Variants in SHISA9 observed in about 807,000 individuals in gnomAD.
SHISA9 encodes the protein shisa family member 9.
In SHISA9, 13 loss-of-function variants were observed where a neutral mutation model predicts 38.0. The ratio of observed to expected loss-of-function variants is 0.34; its 90% confidence interval spans 0.22 to 0.54. The LOEUF is 0.54. Among genes scored for constraint, SHISA9 ranks in the 20% least tolerant of loss-of-function variants. The pLI, the probability that SHISA9 is intolerant of heterozygous loss-of-function variation, is 0.91. For missense variants in SHISA9, 538 were observed against 575.8 expected, an observed-to-expected ratio of 0.93 and a Z score of 0.67; for synonymous variants, 275 against 242.0, an observed-to-expected ratio of 1.14 and a Z score of -1.27.
the SHISA9 span, among the ~76,000 whole-genome samples, chr16:13,437,037 C>G: frequency 6.6e-6 from 1 of 152,154 alleles, no homozygotes; most frequent in Non-Finnish European, 1.5e-5. Flanking sequence ...GAGAAAAGCA[C>G]AGGGAAACCC....
At chr16:13,370,710 G>A in the SHISA9 span, among the ~76,000 whole-genome samples, 1 of 151,984 alleles carries the variant, frequency 6.6e-6, no homozygotes, top group East Asian at 1.9e-4. Context: ...ATTTTTGAGG[G>A]AGTGTTTGGT....
At chr16:13,090,829 C>T (rs545826805) in intron 2 of SHISA9, among the ~76,000 whole-genome samples, 1 of 152,254 alleles carries the variant, frequency 6.6e-6, no homozygotes, top group East Asian at 1.9e-4. Context: ...TGAATTTGAT[C>T]CTGTCATTAT....
the SHISA9 span, among the ~76,000 whole-genome samples, chr16:13,499,003 A>G: frequency 6.6e-6 from 1 of 152,160 alleles, no homozygotes. Context: ...CTCCAGACAT[A>G]AGGTGAGAGG....
intron 2 of SHISA9, among the ~76,000 whole-genome samples, chr16:13,187,550 G>C (rs575197304): frequency 8.7e-4 from 132 of 151,922 alleles, no homozygotes; most frequent in Non-Finnish European, 1.6e-3. Context: ...GGCCAGGCTG[G>C]TCTCAAACTC....
the SHISA9 span, among the ~76,000 whole-genome samples, chr16:13,490,679 G>A: frequency 6.6e-6 from 1 of 152,136 alleles, no homozygotes; most frequent in African/African-American, 2.4e-5. Context: ...TTTCTTCTTG[G>A]TGCAATGTAT....
In SHISA9 at chr16:13,219,298, A is replaced by G. The variant is rs549432738; in HGVS notation, c.895+5998A>G. On this transcript the variant is annotated intron_variant, in intron 4 of 4. Coordinates refer to ENST00000558583, the MANE Select transcript of SHISA9 (RefSeq NM_001145204.3). ...ACACTCACAGCACACACAGTAGGCAATCAACATATATTTTGTTAATAAATT... is the reference window on the plus strand; with the variant it reads ...ACACTCACAGCACACACAGTAGGCAGTCAACATATATTTTGTTAATAAATT... 4.6e-5 allele frequency among the ~76,000 whole-genome samples: 7 copies of G among 152,326 alleles called. No individual in the cohort carries two copies. In the South Asian group the frequency reaches 1.0e-3, roughly 23 times the overall value.
downstream of SHISA9, among the ~76,000 whole-genome samples, chr16:13,241,673 T>C (rs2051436563): frequency 6.6e-6 from 1 of 152,120 alleles, no homozygotes; most frequent in Non-Finnish European, 1.5e-5. Context: ...AAACTTCCAC[T>C]CTCTGGATGC....
chr16:13,076,581 C>T (rs1028890593), intron 2 of SHISA9, among the ~76,000 whole-genome samples: 1 of 152,082 alleles, frequency 6.6e-6, no homozygotes, highest in Non-Finnish European at 1.5e-5. Context: ...GTTCATATAG[C>T]TAGGAAGTTG....
the SHISA9 span, among the ~76,000 whole-genome samples, chr16:13,256,912 C>T: frequency 1.3e-5 from 2 of 152,172 alleles, no homozygotes; most frequent in Non-Finnish European, 2.9e-5. Context: ...AGTGAACCTT[C>T]CCCCAGAAAC....
chr16:12,906,245 C>G (rs1488876174), intron 1 of SHISA9, among the ~76,000 whole-genome samples: 2 of 152,224 alleles, frequency 1.3e-5, no homozygotes, highest in Non-Finnish European at 2.9e-5. Context: ...GGGGTTTGTT[C>G]TCATCCAGAC....
chr16:13,170,791 G>C (rs998807887), intron 2 of SHISA9, among the ~76,000 whole-genome samples: 1 of 151,976 alleles, frequency 6.6e-6, no homozygotes, highest in Admixed American at 6.6e-5. Flanking sequence ...TGAGTAGCTG[G>C]GATTACAGAT....
chr16:13,561,461 A>G, the SHISA9 span, among the ~76,000 whole-genome samples: 15 of 152,216 alleles, frequency 9.9e-5, no homozygotes, highest in Non-Finnish European at 1.9e-4. Context: ...ATTCTAAGTG[A>G]GAAACAAGCC....
chr16:12,985,828 C>T (rs891448526), intron 2 of SHISA9, among the ~76,000 whole-genome samples: 4 of 152,186 alleles, frequency 2.6e-5, no homozygotes, highest in African/African-American at 9.7e-5. Context: ...TTTCTGGATA[C>T]TGGAGCTGCT....
At chr16:13,316,610 C>T in the SHISA9 span, among the ~76,000 whole-genome samples, 5 of 152,180 alleles carry the variant, frequency 3.3e-5, no homozygotes, top group African/African-American at 9.7e-5. Context: ...ATAACTTTCA[C>T]TTTTGTTTCA....
At chr16:13,313,503 G>T in the SHISA9 span, among the ~76,000 whole-genome samples, 1 of 152,142 alleles carries the variant, frequency 6.6e-6, no homozygotes, top group African/African-American at 2.4e-5. Context: ...TAGCCATATG[G>T]AGGTAACAGA....
chr16:13,368,738 C>CA, the SHISA9 span, among the ~76,000 whole-genome samples: 1,159 of 141,768 alleles, frequency 8.2e-3, 7 homozygotes, highest in Non-Finnish European at 0.011. Flanking sequence ...AAGATATGTG[C>CA]AAAAAAAAAA....
intron 2 of SHISA9, among the ~76,000 whole-genome samples, chr16:13,054,005 A>G (rs2073282587): frequency 6.6e-6 from 1 of 152,170 alleles, no homozygotes. Context: ...TGGAAGCTTC[A>G]TCTCTTCTCT....
intron 2 of SHISA9, among the ~76,000 whole-genome samples, chr16:13,135,250 C>T (rs193267142): frequency 1.3e-5 from 2 of 152,302 alleles, no homozygotes; most frequent in East Asian, 3.9e-4. Context: ...AACTGTCACA[C>T]ATTGTAAAGC....
the SHISA9 span, among the ~76,000 whole-genome samples, chr16:13,539,525 G>A: frequency 3.3e-5 from 5 of 151,508 alleles, no homozygotes. Flanking sequence ...ATAAGTCTCA[G>A]CAGAAATTTA....
Sources: allele counts gnomAD v4.1 joint callset (sites outside exome capture counted in the v4.1 genomes callset), GRCh38; gene constraint gnomAD v4.1.1; transcripts MANE v1.5; gene names NCBI Gene and HGNC (gene_info 2026-07-23, HGNC 2026-07-21).